The following SLC25A26 variants were observed in gnomAD, a reference collection of about 807,000 sequenced individuals.
SLC25A26 encodes the protein mitochondrial S-adenosylmethionine carrier protein.
Under a neutral mutation model 37.8 loss-of-function variants are expected in SLC25A26, and 36 were observed. That is an observed-to-expected ratio of 0.95 (90% CI 0.73 to 1.26). The LOEUF is 1.26. Ranked by LOEUF, SLC25A26 falls within the 50% of genes most tolerant of loss-of-function variation. The pLI is 0.00. For synonymous variants in SLC25A26, 129 were observed against 122.5 expected (o/e 1.05, Z -0.35); for missense variants, 390 against 331.1 (o/e 1.18, Z -1.38).
intron 2 of SLC25A26, among the ~76,000 whole-genome samples, chr3:66,242,943 G>A (rs375825996): frequency 1.4e-4 from 22 of 152,216 alleles, no homozygotes; most frequent in African/African-American, 5.3e-4. Context: ...AGTACAACAC[G>A]GTAAGTGCTA....
At chr3:66,327,309 T>C (rs1450442433) in intron 5 of SLC25A26, among the ~76,000 whole-genome samples, 1 of 152,238 alleles carries the variant, frequency 6.6e-6, no homozygotes, top group Non-Finnish European at 1.5e-5. Context: ...TTCAAAATAA[T>C]GTTTTTCAAA....
chr3:66,320,070 A>C (rs1289906646), intron 5 of SLC25A26, among the ~76,000 whole-genome samples: 2 of 152,202 alleles, frequency 1.3e-5, no homozygotes, highest in African/African-American at 4.8e-5. Context: ...CTAAACTTTG[A>C]ATTAATTAAA....
chr3:66,288,996 C>A (rs2107496764), intron 5 of SLC25A26, among the ~76,000 whole-genome samples: 1 of 152,234 alleles, frequency 6.6e-6, no homozygotes, highest in South Asian at 2.1e-4. Context: ...CTGTTGTTTC[C>A]TGACTTTTTA....
intron 1 of SLC25A26, among the ~76,000 whole-genome samples, chr3:66,175,166 A>G (rs1015496122): frequency 6.9e-6 from 1 of 145,800 alleles, no homozygotes; most frequent in Non-Finnish European, 1.5e-5. Context: ...CACACATTAT[A>G]TGTATATATA....
rs973393034 is a variant in SLC25A26, at chr3:66,208,400, T to G, written c.-353-12342T>G. ...TCATGGCAGGCCAATGTCAGTGAAC[T>G]CGGGAAAAGGCCCTGATCAGGGAAA... On this transcript the variant is annotated intron_variant, in intron 1 of 10. Coordinates refer to the SLC25A26 transcript ENST00000676754. 3.7e-4 allele frequency among the ~76,000 whole-genome samples: 57 copies of G among 152,052 alleles called. 1 individual carries two copies. Among genetic ancestry groups the G allele is most frequent in the Admixed American group, 2.8e-3 (43 of 15,258 alleles).
chr3:66,258,844 C>CTT (rs3031757), intron 3 of SLC25A26, among the ~76,000 whole-genome samples: 78 of 138,242 alleles, frequency 5.6e-4, no homozygotes, highest in South Asian at 2.1e-3. Flanking sequence ...CTTTCCTTTT[C>CTT]TTTTTTTTTT....
At chr3:66,137,654 A>G (rs772831669) in intron 1 of SLC25A26, among the ~76,000 whole-genome samples, 6 of 152,152 alleles carry the variant, frequency 3.9e-5, no homozygotes, top group Non-Finnish European at 8.8e-5. Flanking sequence ...TCATAGAGTC[A>G]TTGTGAGAAG....
At chr3:66,182,926 A>G (rs2070743504) in intron 1 of SLC25A26, among the ~76,000 whole-genome samples, 1 of 152,174 alleles carries the variant, frequency 6.6e-6, no homozygotes, top group African/African-American at 2.4e-5. Flanking sequence ...CCTAAGAGCC[A>G]GGGTTCTTCA....
intron 1 of SLC25A26, among the ~76,000 whole-genome samples, chr3:66,176,647 T>A (rs747229185): frequency 4.2e-4 from 64 of 152,334 alleles, no homozygotes; most frequent in Admixed American, 1.4e-3. Flanking sequence ...CTCAGACTTT[T>A]GTGTTTACTT....
At chr3:66,179,954 C>G (rs1415469673) in intron 1 of SLC25A26, among the ~76,000 whole-genome samples, 7 of 152,146 alleles carry the variant, frequency 4.6e-5, no homozygotes, top group African/African-American at 1.7e-4. Flanking sequence ...CTCACAAGTT[C>G]TGAAGTCTGA....
At chr3:66,160,190 A>G (rs139524501) in intron 1 of SLC25A26, among the ~76,000 whole-genome samples, 15,191 of 151,996 alleles carry the variant, frequency 0.1, 881 homozygotes, top group Middle Eastern at 0.18. Flanking sequence ...GGGTTTCACC[A>G]TATTGGACAG....
At chr3:66,352,356 G>T (rs759606232) in intron 6 of SLC25A26, among the ~76,000 whole-genome samples, 5 of 151,786 alleles carry the variant, frequency 3.3e-5, no homozygotes, top group Non-Finnish European at 5.9e-5. Flanking sequence ...GCCTTATCCC[G>T]TGCCACTCAC....
In SLC25A26 at chr3:66,209,608, A is replaced by G. The variant is rs1047099365; in HGVS notation, c.-353-11134A>G. Among the ~76,000 whole-genome samples the G allele has an allele frequency of 7.1e-5, 9 of 126,790 alleles. No homozygotes were observed. The South Asian group carries it at 2.5e-3, about 35-fold the overall frequency. The allele number at this position is 126,790 out of a possible 152,430, so 83.2% of individuals were successfully genotyped here. Reference sequence around the variant, plus strand: ...AGGCATATATATATAAAAGGTATATATATACACACCTATATATCTATTTTA... The same window carrying G: ...AGGCATATATATATAAAAGGTATATGTATACACACCTATATATCTATTTTA... On this transcript the variant is annotated intron_variant, in intron 1 of 10. Transcript: ENST00000676754.
intron 2 of SLC25A26, among the ~76,000 whole-genome samples, chr3:66,240,747 C>CTTTTTTTTTTTT (rs782761312): frequency 7.7e-6 from 1 of 129,154 alleles, no homozygotes; most frequent in Non-Finnish European, 1.6e-5. Context: ...CTTTTCTTTT[C>CTTTTTTTTTTTT]TTTTTTTTTT....
chr3:66,286,550 T>A (rs1249897149), intron 5 of SLC25A26, among the ~76,000 whole-genome samples: 1 of 152,146 alleles, frequency 6.6e-6, no homozygotes, highest in Non-Finnish European at 1.5e-5. Flanking sequence ...TATTAAGGAA[T>A]CTGTATATAT....
intron 5 of SLC25A26, among the ~76,000 whole-genome samples, chr3:66,296,839 A>G (rs1252732493): frequency 1.3e-5 from 2 of 152,218 alleles, no homozygotes; most frequent in African/African-American, 4.8e-5. Flanking sequence ...ATGGGATGAG[A>G]AAGGTGCAGG....
At chr3:66,172,761 G>A (rs1316910801) in intron 1 of SLC25A26, among the ~76,000 whole-genome samples, 1 of 152,088 alleles carries the variant, frequency 6.6e-6, no homozygotes, top group Non-Finnish European at 1.5e-5. Context: ...GCAATTTTTG[G>A]TGTTCCCTCA....
intron 5 of SLC25A26, among the ~76,000 whole-genome samples, chr3:66,272,241 G>A (rs332342): frequency 0.046 from 7,051 of 152,136 alleles, 195 homozygotes; most frequent in African/African-American, 0.058. Flanking sequence ...GGTTGGCCCA[G>A]GGTCTCATAC....
At chr3:66,170,808 T>TG (rs2070486331) in intron 1 of SLC25A26, among the ~76,000 whole-genome samples, 1 of 131,772 alleles carries the variant, frequency 7.6e-6, no homozygotes, top group African/African-American at 2.9e-5. Flanking sequence ...TTTTTTTTTT[T>TG]TTTTTTTTTT....
Sources: gnomAD v4.1 joint callset for allele counts (sites outside exome capture counted in the v4.1 genomes callset) on GRCh38, gnomAD v4.1.1 for gene constraint, MANE v1.5 for transcripts, NCBI Gene and HGNC (gene_info 2026-07-23, HGNC 2026-07-21) for gene names.